GALNT17: variants seen among roughly 807,000 people sequenced by gnomAD.
GALNT17 encodes the protein polypeptide N-acetylgalactosaminyltransferase 17, also known as UDP-GalNAc:polypeptide N-acetylgalactosaminyltransferase-like 3.
A neutral mutation model predicts 63.7 loss-of-function variants in GALNT17; 29 were observed. The observed-to-expected ratio is 0.46, with a 90% CI of 0.34 to 0.62. The LOEUF is 0.62. GALNT17 is among the 20% of genes least tolerant of loss of function. GALNT17 has a pLI of 0.01. For synonymous variants in GALNT17, 305 were observed against 318.3 expected (o/e 0.96, Z 0.45); for missense variants, 603 against 799.6 (o/e 0.75, Z 2.97).
At chr7:71,299,125 C>G (rs994608917) in intron 1 of GALNT17, among the ~76,000 whole-genome samples, 23 of 152,130 alleles carry the variant, frequency 1.5e-4, no homozygotes, top group African/African-American at 5.3e-4. Context: ...TGGGCCCGCC[C>G]CTCATTCTAC....
At chr7:71,362,894 T>A (rs1021074626) in intron 2 of GALNT17, among the ~76,000 whole-genome samples, 1 of 152,054 alleles carries the variant, frequency 6.6e-6, no homozygotes, top group African/African-American at 2.4e-5. Flanking sequence ...CGCTGAACAC[T>A]CCTTTCCCCA....
At chr7:71,642,199 C>G (rs10257695) in intron 6 of GALNT17, among the ~76,000 whole-genome samples, 66,208 of 152,080 alleles carry the variant, frequency 0.44, 16,700 homozygotes, top group East Asian at 0.73. Flanking sequence ...CCCAAAGAAT[C>G]CTTCCCTTAC....
chr7:71,502,564 T>A (rs1788197985), intron 5 of GALNT17, among the ~76,000 whole-genome samples: 1 of 152,134 alleles, frequency 6.6e-6, no homozygotes, highest in African/African-American at 2.4e-5. Flanking sequence ...AAGGATGGCT[T>A]CCTCAAAGCC....
At chr7:71,509,290 TGTG>T (rs1367307973) in intron 5 of GALNT17, among the ~76,000 whole-genome samples, 7 of 152,224 alleles carry the variant, frequency 4.6e-5, no homozygotes, top group Admixed American at 3.9e-4. Flanking sequence ...TAGGCTAAGC[TGTG>T]ATATTCTGGA....
intron 9 of GALNT17, among the ~76,000 whole-genome samples, chr7:71,693,958 T>C (rs1280830792): frequency 6.6e-6 from 1 of 152,116 alleles, no homozygotes; most frequent in Non-Finnish European, 1.5e-5. Context: ...TAATCCGTTA[T>C]TTTATTAGTC....
At chr7:71,294,631 C>T (rs754631489) in intron 1 of GALNT17, among the ~76,000 whole-genome samples, 3 of 151,866 alleles carry the variant, frequency 2.0e-5, no homozygotes, top group Admixed American at 6.6e-5. Flanking sequence ...GCCAGGCTGG[C>T]CTTGAACTCC....
At chr7:71,383,738 G>GT (rs1394233998) in intron 2 of GALNT17, among the ~76,000 whole-genome samples, 29 of 151,994 alleles carry the variant, frequency 1.9e-4, no homozygotes, top group African/African-American at 5.8e-4. Flanking sequence ...TTGGCTCTGT[G>GT]TTTTTTTTAT....
At chr7:71,539,707 C>CTTTTTTTTTTTT (rs71089953) in intron 5 of GALNT17, among the ~76,000 whole-genome samples, 8 of 71,416 alleles carry the variant, frequency 1.1e-4, no homozygotes, top group African/African-American at 1.7e-4. Context: ...TTAGTCCCAC[C>CTTTTTTTTTTTT]TTTTTTTTTT....
chr7:71,352,729 A>C (rs927342503), intron 2 of GALNT17, among the ~76,000 whole-genome samples: 1 of 152,188 alleles, frequency 6.6e-6, no homozygotes, highest in African/African-American at 2.4e-5. Context: ...CCCAGGAGTG[A>C]GTGCTGTGCC....
At chr7:71,551,834 G>A (rs190638244) in intron 5 of GALNT17, among the ~76,000 whole-genome samples, 118 of 151,566 alleles carry the variant, frequency 7.8e-4, no homozygotes, top group Non-Finnish European at 1.4e-3. Context: ...AACCGAGGAC[G>A]GTGTTACCTG....
Position 71,488,649 on chromosome 7 carries a change from GGCT to G in GALNT17, c.962+67545_962+67547del, listed in dbSNP as rs1225473162. On this transcript the variant is annotated intron_variant, in intron 5 of 10. Coordinates refer to ENST00000333538, the MANE Select transcript of GALNT17 (RefSeq NM_022479.3). ...AGCTGGAGTGCAGTGGCAGGATCTT[GGCT>G]CACTGCAACCTCTGCCTCCTAGGTT... Among the ~76,000 whole-genome samples, 12 of 138,188 alleles carry G rather than the reference GGCT, an allele frequency of 8.7e-5. No individual in the cohort carries two copies. In the East Asian group the frequency reaches 2.1e-3, roughly 25 times the overall value. 90.7% of individuals were successfully genotyped at this position (138,188 alleles called of 152,430 possible).
At chr7:71,416,377 CA>C (rs1793526828) in intron 4 of GALNT17, among the ~76,000 whole-genome samples, 1 of 152,106 alleles carries the variant, frequency 6.6e-6, no homozygotes, top group South Asian at 2.1e-4. Flanking sequence ...TTTAGGAGCC[CA>C]AGGTGGGTGG....
chr7:71,474,638 G>A (rs1787693546), intron 5 of GALNT17, among the ~76,000 whole-genome samples: 1 of 152,110 alleles, frequency 6.6e-6, no homozygotes, highest in Non-Finnish European at 1.5e-5. Flanking sequence ...AACTTACAGA[G>A]GTGTATATTC....
chr7:71,606,293 G>T (rs1050215650), intron 6 of GALNT17, among the ~76,000 whole-genome samples: 1 of 152,020 alleles, frequency 6.6e-6, no homozygotes, highest in Non-Finnish European at 1.5e-5. Context: ...TGACTATTTT[G>T]AAAAGAGTGC....
At chr7:71,518,476 G>A (rs1460912369) in intron 5 of GALNT17, among the ~76,000 whole-genome samples, 3 of 152,152 alleles carry the variant, frequency 2.0e-5, no homozygotes, top group South Asian at 2.1e-4. Context: ...GTTTCTTAGA[G>A]TCCTGGATAA....
chr7:71,484,962 CTTT>C (rs779772231), intron 5 of GALNT17, among the ~76,000 whole-genome samples: 8 of 47,586 alleles, frequency 1.7e-4, no homozygotes, highest in African/African-American at 5.4e-4. Context: ...CCACACCTGG[CTTT>C]TTTTTTTTTT....
intron 1 of GALNT17, among the ~76,000 whole-genome samples, chr7:71,198,051 A>C (rs1789089685): frequency 6.6e-6 from 1 of 152,004 alleles, no homozygotes; most frequent in African/African-American, 2.4e-5. Flanking sequence ...CAAAAAAATT[A>C]GCTGGATGTG....
intron 5 of GALNT17, among the ~76,000 whole-genome samples, chr7:71,544,851 T>TG (rs1027885785): frequency 8.6e-5 from 1 of 11,678 alleles, no homozygotes; most frequent in Admixed American, 9.5e-4. Flanking sequence ...TGAGCTTTAG[T>TG]TTTTTTTTTT....
chr7:71,147,870 A>G (rs1382236856), intron 1 of GALNT17, among the ~76,000 whole-genome samples: 1 of 152,034 alleles, frequency 6.6e-6, no homozygotes, highest in Non-Finnish European at 1.5e-5. Flanking sequence ...TGACTTCATG[A>G]TCCACTGCCT....
Sources: gnomAD v4.1 joint callset for allele counts (sites outside exome capture counted in the v4.1 genomes callset) on GRCh38, gnomAD v4.1.1 for gene constraint, MANE v1.5 for transcripts, NCBI Gene and HGNC (gene_info 2026-07-23, HGNC 2026-07-21) for gene names.